The following CARMIL1 variants were observed in gnomAD, a reference collection of about 807,000 sequenced individuals.
CARMIL1 encodes the protein capping protein regulator and myosin 1 linker 1.
Under a neutral mutation model 177.1 loss-of-function variants are expected in CARMIL1, and 90 were observed. The ratio of observed to expected loss-of-function variants is 0.51; its 90% CI spans 0.43 to 0.61. The LOEUF is 0.61. Among genes scored for constraint, CARMIL1 ranks in the 20% least tolerant of loss-of-function variants. The pLI is 0.00. For synonymous variants in CARMIL1, 577 were observed against 606.2 expected (o/e 0.95, Z 0.71); for missense variants, 1,380 against 1,667.0 (o/e 0.83, Z 3.00).
chr6:25,433,327 G>C (rs1026268166), intron 4 of CARMIL1: 46 of 152,222 alleles, frequency 3.0e-4, no homozygotes, highest in African/African-American at 1.1e-3. Context: ...AGATGTGCTA[G>C]ATGTGAAGAA....
chr6:25,540,535 A>G (rs567752008), intron 26 of CARMIL1, among the ~76,000 whole-genome samples: 1 of 152,328 alleles, frequency 6.6e-6, no homozygotes, highest in South Asian at 2.1e-4. Flanking sequence ...AAATGTAATT[A>G]CAAGGCACCC....
At chr6:25,459,272 T>TCTTTCTTTCTTCCTTTCTTCCTTTCTTCC (rs1477339182) in intron 8 of CARMIL1, among the ~76,000 whole-genome samples, 1 of 134,892 alleles carries the variant, frequency 7.4e-6, no homozygotes, top group Non-Finnish European at 1.6e-5. Context: ...CTTTCTTTTT[T>TCTTTCTTTCTTCCTTTCTTCCTTTCTTCC]TTTTTTTTAA....
intron 1 of CARMIL1, among the ~76,000 whole-genome samples, 171 bp from the exon 2 acceptor site, chr6:25,284,641 G>A (rs143662846): frequency 0.02 from 3,036 of 152,232 alleles, 75 homozygotes; most frequent in African/African-American, 0.049. Context: ...CCCAGGAGGC[G>A]GAGGTTGCAG....
At chr6:25,447,760 G>A (rs914880436) in intron 5 of CARMIL1, among the ~76,000 whole-genome samples, 6 of 151,964 alleles carry the variant, frequency 3.9e-5, no homozygotes, top group Non-Finnish European at 7.4e-5. Context: ...CCTCTCCCCT[G>A]GAAGTACCAG....
chr6:25,423,250 T>C (rs1796005810), intron 3 of CARMIL1, among the ~76,000 whole-genome samples: 1 of 152,196 alleles, frequency 6.6e-6, no homozygotes, highest in Non-Finnish European at 1.5e-5. Flanking sequence ...ACAACATATA[T>C]AGTCAAATGC....
At chr6:25,381,602 T>G (rs969626927) in intron 2 of CARMIL1, among the ~76,000 whole-genome samples, 9 of 152,218 alleles carry the variant, frequency 5.9e-5, no homozygotes, top group African/African-American at 2.2e-4. Flanking sequence ...GAAGTCACTT[T>G]ACTTCCTATT....
At chr6:25,595,261 T>C (rs964772200) in intron 32 of CARMIL1, among the ~76,000 whole-genome samples, 7 of 107,188 alleles carry the variant, frequency 6.5e-5, no homozygotes, top group African/African-American at 2.7e-4. Flanking sequence ...TTTGTCTTTA[T>C]GAAGATTCTC....
chr6:25,387,846 A>G lies in CARMIL1; in HGVS notation c.139-32268A>G, dbSNP rs1328771324. Among the ~76,000 whole-genome samples the G allele has an allele frequency of 3.3e-5, 5 of 152,212 alleles. No homozygotes were observed. In the South Asian group the frequency reaches 1.0e-3, roughly 32 times the overall value. ...GAAAGCATCGTATGAAATAGAGAAT[A>G]ATCACCAGATGCAACTATGGGCCCC... On this transcript the variant is annotated intron_variant, in intron 2 of 36. Transcript: ENST00000329474.
At chr6:25,320,640 G>C (rs572962054) in intron 2 of CARMIL1, among the ~76,000 whole-genome samples, 1 of 152,274 alleles carries the variant, frequency 6.6e-6, no homozygotes, top group African/African-American at 2.4e-5. Flanking sequence ...CTGCAGGCTG[G>C]TCAGATGTTT....
At chr6:25,478,970 C>T in intron 11 of CARMIL1, 2 of 392,062 alleles carry the variant, frequency 5.1e-6, no homozygotes, top group South Asian at 2.2e-5. Flanking sequence ...CACTTACTTT[C>T]CTTAGTGTTT....
At chr6:25,459,569 T>A (rs1174314699) in intron 8 of CARMIL1, among the ~76,000 whole-genome samples, 1 of 151,938 alleles carries the variant, frequency 6.6e-6, no homozygotes, top group East Asian at 1.9e-4. Context: ...CAACATTTTT[T>A]ATACTCCCCA....
chr6:25,528,849 G>C lies in CARMIL1; in HGVS notation c.2023G>C (p.Ala675Pro), dbSNP rs1807430127. The C allele has an allele frequency of 6.2e-7, 1 of 1,610,366 alleles. No homozygotes were observed. The highest frequency in any genetic ancestry group is 8.5e-7 in the Non-Finnish European group (1 of 1,178,314). Reference sequence around the variant, plus strand: ...GACTAGAAAATACCTTCAAGAGCAGGCCTACCGCCTGCAGCAGGGTATTGT... The same window carrying C: ...GACTAGAAAATACCTTCAAGAGCAGCCCTACCGCCTGCAGCAGGGTATTGT... Reference protein sequence around the residue: ...HETRKYLQEQAYRLQQGIVTS... With the variant: ...HETRKYLQEQPYRLQQGIVTS... Residue 675 changes from alanine (A) to proline (P), a missense_variant, in exon 24 of 37, where the codon GCC becomes CCC. By Grantham distance (27) the Ala-to-Pro change is conservative. Coordinates refer to ENST00000329474, the MANE Select transcript of CARMIL1 (RefSeq NM_017640.6).
chr6:25,383,536 C>A (rs947674906), intron 2 of CARMIL1: 1 of 151,956 alleles, frequency 6.6e-6, no homozygotes, highest in Non-Finnish European at 1.5e-5. Flanking sequence ...ATCTTGATAA[C>A]CTTGATTTGC....
chr6:25,434,193 C>T, intron 4 of CARMIL1, among the ~76,000 whole-genome samples: 1 of 151,974 alleles, frequency 6.6e-6, no homozygotes, highest in East Asian at 1.9e-4. Context: ...TGCACCACCA[C>T]ACCCAGTTTA....
chr6:25,594,360 A>G, intron 31 of CARMIL1, 55 bp from the exon 32 acceptor site: 1 of 1,130,108 alleles, frequency 8.8e-7, no homozygotes, highest in South Asian at 1.4e-5. Flanking sequence ...CTAGTAATAA[A>G]TGTTTGCTAA....
intron 27 of CARMIL1, among the ~76,000 whole-genome samples, chr6:25,553,379 G>C (rs933189978): frequency 6.6e-6 from 1 of 152,112 alleles, no homozygotes; most frequent in Non-Finnish European, 1.5e-5. Flanking sequence ...GGCTGGGTCT[G>C]TTTATTAGTA....
chr6:25,319,185 A>G (rs751800974), intron 2 of CARMIL1, among the ~76,000 whole-genome samples: 1 of 152,174 alleles, frequency 6.6e-6, no homozygotes, highest in East Asian at 1.9e-4. Flanking sequence ...AATTAATTAG[A>G]CGAATTGTGA....
chr6:25,282,979 G>C (rs1334990958), intron 1 of CARMIL1, among the ~76,000 whole-genome samples: 3 of 152,138 alleles, frequency 2.0e-5, no homozygotes, highest in African/African-American at 7.2e-5. Flanking sequence ...CATGTGAATA[G>C]ACCAAAATGA....
intron 12 of CARMIL1, among the ~76,000 whole-genome samples, chr6:25,485,021 T>G (rs1425747517): frequency 6.6e-6 from 1 of 152,060 alleles, no homozygotes; most frequent in African/African-American, 2.4e-5. Context: ...GGTGACAGAG[T>G]GAGAACCTGT....
Sources: gnomAD v4.1 joint callset for allele counts (sites outside exome capture counted in the v4.1 genomes callset) on GRCh38, gnomAD v4.1.1 for gene constraint, MANE v1.5 for transcripts, NCBI Gene and HGNC (gene_info 2026-07-23, HGNC 2026-07-21) for gene names.